LMO1: variants seen among roughly 807,000 people sequenced by gnomAD.
LMO1 encodes the protein rhombotin-1.
LMO1 carries 10 observed loss-of-function variants against 18.0 expected under a neutral mutation model. That is an observed-to-expected ratio of 0.55 (90% CI 0.34 to 0.94). LMO1 has a LOEUF of 0.94. Ranked by LOEUF, LMO1 falls within the 40% of genes least tolerant of loss-of-function variation. LMO1 has a pLI of 0.02. For missense variants in LMO1, 183 were observed against 205.7 expected (o/e 0.89, Z 0.68); for synonymous variants, 77 against 77.9 (o/e 0.99, Z 0.06).
At position 8,263,474 on chromosome 11, in the gene LMO1, CCCGCTTGT is replaced by C. The variant is rs1182189734; in HGVS notation, c.-120_-113del. On this transcript the variant is annotated 5_prime_UTR_variant, in exon 1 of 4. Transcript: ENST00000335790. The stretch of plus-strand genomic sequence containing the variant: ...TCGGGCAGCTAGCGGGCTCTAATTA[CCCGCTTGT>C]CCGGCTCTTAACCTAGATTGCACTC... 1.4e-5 allele frequency: 22 copies of C among 1,530,548 alleles called. No homozygotes were observed. The highest frequency in any genetic ancestry group is 1.8e-5 in the Non-Finnish European group (21 of 1,147,042). 94.8% of individuals were successfully genotyped at this position (1,530,548 alleles called of 1,614,324 possible).
At chr11:8,229,935 C>T (rs537449726) in intron 2 of LMO1, among the ~76,000 whole-genome samples, 2 of 152,324 alleles carry the variant, frequency 1.3e-5, no homozygotes, top group African/African-American at 2.4e-5. Flanking sequence ...GTTCTCAAAG[C>T]CCCTCTGAGG....
chr11:8,244,826 G>A (rs1846867387), intron 1 of LMO1, among the ~76,000 whole-genome samples: 1 of 152,190 alleles, frequency 6.6e-6, no homozygotes, highest in Non-Finnish European at 1.5e-5. Context: ...CACCAGGTCA[G>A]TAAACACTGG....
upstream of LMO1, chr11:8,268,755 C>T (rs1454153030): frequency 4.9e-6 from 1 of 204,050 alleles, no homozygotes; most frequent in Non-Finnish European, 9.8e-6. Flanking sequence ...GCGCGTCCTT[C>T]CTCCGCGCCG....
At chr11:8,235,840 T>A (rs748724871) in intron 1 of LMO1, among the ~76,000 whole-genome samples, 1 of 152,224 alleles carries the variant, frequency 6.6e-6, no homozygotes, top group Non-Finnish European at 1.5e-5. Flanking sequence ...AGTTAATTTA[T>A]GTGATGTGCT....
chr11:8,236,046 T>A (rs1209301421), intron 1 of LMO1, among the ~76,000 whole-genome samples: 2 of 152,162 alleles, frequency 1.3e-5, no homozygotes, highest in Admixed American at 1.3e-4. Context: ...TGCAAGTATG[T>A]GTAGAAGGAA....
At chr11:8,236,851 G>A (rs576041988) in intron 1 of LMO1, among the ~76,000 whole-genome samples, 4 of 152,158 alleles carry the variant, frequency 2.6e-5, no homozygotes, top group East Asian at 1.9e-4. Flanking sequence ...CTAAGCACAC[G>A]CATGTGTGTG....
chr11:8,227,049 G>A lies in LMO1; in HGVS notation c.291C>T (p.Ala97=). The A allele has an allele frequency of 6.2e-7, 1 of 1,613,970 alleles. No individual in the cohort carries two copies. Among genetic ancestry groups the A allele is most frequent in the Non-Finnish European group, 8.5e-7 (1 of 1,179,884 alleles). The change falls in exon 3 of 4, where the codon GCC becomes GCT. Residue 97 remains alanine (A), a synonymous_variant. Transcript: ENST00000335790. ...CCCGGGCCCGCATCACCATCTCGAA[G>A]GCTGGGATCAGCTTGCTGCAAGCAG... ...NCAACSKLIP[A]FEMVMRARDN...
At chr11:8,266,503 C>G (rs987134067), upstream of LMO1, among the ~76,000 whole-genome samples, 1 of 152,218 alleles carries the variant, frequency 6.6e-6, no homozygotes, top group Non-Finnish European at 1.5e-5. Context: ...TGAGCATGTA[C>G]TCTCACTTCG....
rs1355604708 is a variant in LMO1, at chr11:8,263,602, A to C, written c.-240T>G. On this transcript the variant is annotated 5_prime_UTR_variant, in exon 1 of 4. In the 5' UTR this introduces an upstream ATG that the reference lacks. Transcript: ENST00000335790. ...AGAATTGGAAGGAACTACGAACTGC[A>C]ATTTAGAGAGAGAGGGAGAGGGAGA... The C allele has an allele frequency of 7.3e-7, 1 of 1,363,500 alleles. No individual in the cohort carries two copies. Among genetic ancestry groups the C allele is most frequent in the Non-Finnish European group, 9.4e-7 (1 of 1,062,632 alleles). The allele number at this position is 1,363,500 out of a possible 1,614,324, so 84.5% of individuals were successfully genotyped here.
upstream of LMO1, chr11:8,268,688 G>A (rs1847286596): frequency 3.6e-6 from 1 of 275,002 alleles, no homozygotes; most frequent in South Asian, 1.7e-4. Context: ...CGGGATCGCG[G>A]GAGCCTCGCG....
intron 1 of LMO1, among the ~76,000 whole-genome samples, chr11:8,230,762 G>A (rs188668532): frequency 4.6e-5 from 7 of 152,198 alleles, no homozygotes; most frequent in Non-Finnish European, 1.0e-4. Context: ...GGCACACACA[G>A]ACCCCAGGCC....
chr11:8,233,577 A>G (rs1204809298), intron 1 of LMO1, among the ~76,000 whole-genome samples: 2 of 151,994 alleles, frequency 1.3e-5, no homozygotes, highest in Non-Finnish European at 2.9e-5. Flanking sequence ...AGACTTGAAA[A>G]CACTCCTGGA....
At chr11:8,240,664 G>C (rs1031100085) in intron 1 of LMO1, among the ~76,000 whole-genome samples, 13 of 152,142 alleles carry the variant, frequency 8.5e-5, no homozygotes, top group African/African-American at 3.1e-4. Context: ...GGAGTTCTCT[G>C]TGGTCCCTTT....
intron 1 of LMO1, among the ~76,000 whole-genome samples, chr11:8,246,993 C>T (rs999154399): frequency 3.3e-5 from 5 of 152,228 alleles, no homozygotes; most frequent in African/African-American, 1.2e-4. Flanking sequence ...TCCACTTTTC[C>T]AGCCCTGCTC....
chr11:8,257,767 G>A (rs906347048), intron 1 of LMO1, among the ~76,000 whole-genome samples: 4 of 152,226 alleles, frequency 2.6e-5, no homozygotes, highest in Non-Finnish European at 5.9e-5. Flanking sequence ...AGTGAGGTCA[G>A]CCTGCCTCCC....
At chr11:8,247,400 G>T (rs1317784922) in intron 1 of LMO1, among the ~76,000 whole-genome samples, 5 of 152,184 alleles carry the variant, frequency 3.3e-5, no homozygotes, top group Non-Finnish European at 7.4e-5. Flanking sequence ...GCCTTTGAAG[G>T]GGGAGAGCAC....
chr11:8,260,105 C>T (rs1235383520), intron 1 of LMO1, among the ~76,000 whole-genome samples: 1 of 152,124 alleles, frequency 6.6e-6, no homozygotes, highest in Non-Finnish European at 1.5e-5. Flanking sequence ...CCTCTCCTGC[C>T]CAGTCCCCCA....
At chr11:8,258,677 C>A (rs537745598) in intron 1 of LMO1, among the ~76,000 whole-genome samples, 4 of 152,280 alleles carry the variant, frequency 2.6e-5, no homozygotes, top group Non-Finnish European at 4.4e-5. Flanking sequence ...CTCTGAGACA[C>A]AGGGTGACAC....
intron 1 of LMO1, among the ~76,000 whole-genome samples, chr11:8,235,199 T>C (rs1388925763): frequency 1.3e-5 from 2 of 152,226 alleles, no homozygotes; most frequent in Middle Eastern, 3.2e-3. Flanking sequence ...TAACTTTTTG[T>C]CTCTTGACAT....
Sources: gnomAD v4.1 joint callset for allele counts (sites outside exome capture counted in the v4.1 genomes callset) on GRCh38, gnomAD v4.1.1 for gene constraint, MANE v1.5 for transcripts, NCBI Gene and HGNC (gene_info 2026-07-23, HGNC 2026-07-21) for gene names.